SLC12A5: variants seen among roughly 807,000 people sequenced by gnomAD.
The protein encoded by SLC12A5 is solute carrier family 12 member 5, also known as K-Cl cotransporter 2.
In SLC12A5, 18 loss-of-function variants were observed where a neutral mutation model predicts 124.0. That is an observed-to-expected ratio of 0.15 (90% CI 0.10 to 0.22). SLC12A5 has a LOEUF of 0.22. SLC12A5 is among the 10% of genes least tolerant of loss of function. The probability of loss-of-function intolerance (pLI) is 1.00; values close to 1 mark genes in which losing one functional copy is unlikely to be tolerated. For synonymous variants in SLC12A5, 589 were observed against 568.0 expected, an observed-to-expected ratio of 1.04 and a Z score of -0.53; for missense variants, 867 against 1,478.7, an observed-to-expected ratio of 0.59 and a Z score of 6.78.
intron 6 of SLC12A5, 110 bp from the exon 7 acceptor site, chr20:46,040,263 C>G (rs1157117101): frequency 1.1e-5 from 17 of 1,488,254 alleles, no homozygotes; most frequent in Non-Finnish European, 1.5e-5. Context: ...CTTTTCCAGT[C>G]TGGTACCACT....
chr20:46,045,837 T>A lies in SLC12A5; in HGVS notation c.1570-41T>A, dbSNP rs2084590195. 1 of 1,559,058 alleles carries A rather than the reference T, an allele frequency of 6.4e-7. No individual in the cohort carries two copies. The highest frequency in any genetic ancestry group is 1.4e-5 in the African/African-American group (1 of 73,678). On this transcript the variant is annotated intron_variant, in intron 12 of 25. Coordinates refer to ENST00000243964, the MANE Select transcript of SLC12A5 (RefSeq NM_020708.5). The surrounding 1 kb of genome is among the most constrained non-coding windows in gnomAD (Gnocchi z 4.9). The stretch of plus-strand genomic sequence containing the variant: ...GAGGCTAGGGGAGAGGGCTGAGAAA[T>A]CCTTGAGGTCTCAGTCCCATGATGA...
chr20:46,048,103 G>T lies in SLC12A5; in HGVS notation c.2012+18G>T, dbSNP rs200259731. ...AACTGGAGGTTAGTGGTGAGGGCAC[G>T]GGTGTGCATAAGAGTGTGTGTGCAT... On this transcript the variant is annotated intron_variant, in intron 16 of 25. Transcript: ENST00000243964. 11 of 1,597,748 alleles carry T rather than the reference G, an allele frequency of 6.9e-6. No individual in the cohort carries two copies. The African/African-American group carries it at 1.5e-4, about 21-fold the overall frequency.
chr20:46,056,994 T>C lies in SLC12A5; in HGVS notation c.3125+83T>C, dbSNP rs560734030. 1.7e-4 allele frequency: 279 copies of C among 1,601,600 alleles called. No homozygotes were observed. The highest frequency in any genetic ancestry group is 2.3e-4 in the Non-Finnish European group (267 of 1,169,004). ...CCTCACTCTGTTGTGAACCCCTAAT[T>C]GGTGCCACGACCTCTGGGATCTCTG... is the stretch of plus-strand genomic sequence containing the variant. On this transcript the variant is annotated intron_variant, in intron 24 of 25. Coordinates refer to ENST00000243964, the MANE Select transcript of SLC12A5 (RefSeq NM_020708.5). This position sits in a 1 kb window ranked among gnomAD's most constrained non-coding sequence, Gnocchi z 4.3.
chr20:46,048,896 A>G (rs2084624233), intron 16 of SLC12A5, among the ~76,000 whole-genome samples: 1 of 150,110 alleles, frequency 6.7e-6, no homozygotes. Flanking sequence ...ATTGGAGGTC[A>G]GAGAGGATCT....
rs1407128885 is a variant in SLC12A5, at chr20:46,057,410, C to T, written c.3260-104C>T. The T allele has an allele frequency of 1.2e-6, 2 of 1,604,356 alleles. No homozygotes were observed. Among genetic ancestry groups the T allele is most frequent in the East Asian group, 2.2e-5 (1 of 44,802 alleles). The stretch of plus-strand genomic sequence containing the variant: ...GCTGTTCCTGCCTCCGGATCAGCAC[C>T]TCGGACAGGGACACGGGCGCGAGAG... On this transcript the variant is annotated intron_variant, in intron 25 of 25. Coordinates refer to ENST00000243964, the MANE Select transcript of SLC12A5 (RefSeq NM_020708.5). The surrounding 1 kb of genome is among the most constrained non-coding windows in gnomAD (Gnocchi z 7.1).
chr20:46,053,033 T>G lies in SLC12A5; in HGVS notation c.2454T>G (p.Pro818=), dbSNP rs780304874. 6.2e-7 allele frequency: 1 copy of G among 1,614,192 alleles called. No homozygotes were observed. Among genetic ancestry groups the G allele is most frequent in the South Asian group, 1.1e-5 (1 of 91,086 alleles). The stretch of plus-strand genomic sequence containing the variant: ...ACGTTTCCATGTTTCCTGGGAACCC[T>G]GAGCGCTTCTCTGAGGGCAGCATCG... The part of the protein sequence containing the change: ...TKNVSMFPGN[P]ERFSEGSIDV... Residue 818 remains proline, a synonymous_variant, in exon 19 of 26, where the codon CCT becomes CCG. Coordinates refer to ENST00000243964, the MANE Select transcript of SLC12A5 (RefSeq NM_020708.5). This position sits in a 1 kb window ranked among gnomAD's most constrained non-coding sequence, Gnocchi z 4.7.
chr20:46,041,752 A>G (rs1441277455), intron 8 of SLC12A5, among the ~76,000 whole-genome samples: 1 of 152,208 alleles, frequency 6.6e-6, no homozygotes, highest in Non-Finnish European at 1.5e-5. Flanking sequence ...GAAGTCATCA[A>G]CGTAACAGGT....
chr20:46,032,204 G>A (rs1274825182), intron 1 of SLC12A5, among the ~76,000 whole-genome samples: 1 of 152,224 alleles, frequency 6.6e-6, no homozygotes, highest in African/African-American at 2.4e-5. Flanking sequence ...CGGCCTGCGC[G>A]GTCGCCATGG....
At chr20:46,041,963 G>T (rs972404321) in intron 8 of SLC12A5, among the ~76,000 whole-genome samples, 5 of 152,120 alleles carry the variant, frequency 3.3e-5, no homozygotes, top group Admixed American at 1.3e-4. Context: ...ATGGCAATAG[G>T]CTTCCTGGAC....
At position 46,043,158 on chromosome 20, in the gene SLC12A5, C is replaced by G. The variant is rs200514600; in HGVS notation, c.1072C>G (p.Leu358Val). Residue 358 changes from leucine (L) to valine (V), a missense_variant, in exon 9 of 26, where the codon CTC becomes GTC. Transcript: ENST00000243964. ...AGCATTCTGTCTCCCCACAGAGAAC[C>G]TCTGGAGCTCCTACCTGACCAAGGG... ...GAASGLIKEN[L>V]WSSYLTKGVI... 32 of 1,613,594 alleles carry G rather than the reference C, an allele frequency of 2.0e-5. No homozygotes were observed. The highest frequency in any genetic ancestry group is 2.5e-5 in the Non-Finnish European group (30 of 1,179,752).
Position 46,049,774 on chromosome 20 carries a change from C to T in SLC12A5, c.2165C>T (p.Ala722Val), listed in dbSNP as rs1301239632. ...EGTFLENHPQ[A>V]QRAEESIRRL... Reference sequence around the variant, plus strand: ...ACCTTTCTGGAAAATCATCCACAGGCCCAGCGGGCAGAAGAGGTGAGCAGA... The same window carrying T: ...ACCTTTCTGGAAAATCATCCACAGGTCCAGCGGGCAGAAGAGGTGAGCAGA... The change falls in exon 17 of 26, where the codon GCC (alanine) becomes GTC (valine). Residue 722 changes from alanine (A) to valine (V), a missense_variant. Ala to Val is a moderately conservative substitution (Grantham distance 64, BLOSUM62 0). This residue lies in a region of SLC12A5 where 110 missense variants were observed against 149.9 expected (regional missense o/e 0.73). Transcript: ENST00000243964. The T allele has an allele frequency of 5.0e-6, 8 of 1,597,526 alleles. No homozygotes were observed. In the South Asian group the frequency reaches 9.1e-5, roughly 18 times the overall value.
intron 10 of SLC12A5, 46 bp from the exon 11 acceptor site, chr20:46,043,830 G>C (rs369816270): frequency 8.3e-5 from 134 of 1,613,202 alleles, no homozygotes; most frequent in East Asian, 1.8e-4. Context: ...AGGGTGGGGA[G>C]GGGGAGGACT....
intron 3 of SLC12A5, 82 bp from the exon 4 acceptor site, chr20:46,035,695 G>T: frequency 6.5e-7 from 1 of 1,532,516 alleles, no homozygotes; most frequent in Non-Finnish European, 8.8e-7. Flanking sequence ...GAAGGTGGGG[G>T]CAGAGAAACA....
chr20:46,036,816 G>A, intron 5 of SLC12A5, 21 bp downstream of exon 5: 1 of 1,613,682 alleles, frequency 6.2e-7, no homozygotes, highest in South Asian at 1.1e-5. Context: ...GGGGCTTTGT[G>A]GGGAGGGAGG....
Position 46,049,333 on chromosome 20 carries a change from A to C in SLC12A5, c.2013-289A>C, listed in dbSNP as rs112059198. Among the ~76,000 whole-genome samples, 949 of 152,328 alleles carry C rather than the reference A, an allele frequency of 6.2e-3. 11 individuals carry two copies. Among genetic ancestry groups the C allele is most frequent in the African/African-American group, 0.022 (915 of 41,554 alleles). ...GTAGGAATGGATGATAGGTAGGTAG[A>C]TGTGTGGATAATTGAATGAATAATG... On this transcript the variant is annotated intron_variant, in intron 16 of 25. Transcript: ENST00000243964.
In SLC12A5 at chr20:46,029,269, G is replaced by C; in HGVS notation, c.-76G>C. The C allele has an allele frequency of 6.7e-7, 1 of 1,503,404 alleles. No homozygotes were observed. The allele number at this position is 1,503,404 out of a possible 1,614,324, so 93.1% of individuals were successfully genotyped here. A position where few individuals can be genotyped will look rare whatever the true frequency, so the allele number is the denominator to read the frequency against. On this transcript the variant is annotated 5_prime_UTR_variant, in exon 1 of 26. Transcript: ENST00000243964. ...AGCGAGACAGAGCTACAGCGAACGA[G>C]AGAGCGGCGAAGGCGGGTAGAGGGG...
chr20:46,022,081 G>A (rs1210606081), intron 1 of SLC12A5: 1 of 662,076 alleles, frequency 1.5e-6, no homozygotes, highest in African/African-American at 1.9e-5. Context: ...TGTGGAGGGG[G>A]AGGGGCCAAA....
At chr20:46,033,450 CT>C (rs1383576795) in intron 1 of SLC12A5, among the ~76,000 whole-genome samples, 6 of 152,218 alleles carry the variant, frequency 3.9e-5, no homozygotes, top group Admixed American at 2.6e-4. Flanking sequence ...ACCTTCCCCC[CT>C]GGTGCCCAAG....
chr20:46,043,390 ATG>A, intron 9 of SLC12A5, 67 bp downstream of exon 9: 1 of 1,555,216 alleles, frequency 6.4e-7, no homozygotes, highest in African/African-American at 1.4e-5. Flanking sequence ...GTCGATGATG[ATG>A]TTGGGAATTT....
Sources: gnomAD v4.1 joint callset for allele counts (sites outside exome capture counted in the v4.1 genomes callset) on GRCh38, gnomAD v4.1.1 for gene constraint, gnomAD v4.1.1 regional missense constraint, Gnocchi (gnomAD v3.1) non-coding constraint, MANE v1.5 for transcripts, NCBI Gene and HGNC (gene_info 2026-07-23, HGNC 2026-07-21) for gene names.